The following STX2 variants were observed in gnomAD, a reference collection of about 807,000 sequenced individuals.
STX2 encodes the protein syntaxin-2.
A neutral mutation model predicts 40.6 loss-of-function variants in STX2; 27 were observed. The ratio of observed to expected loss-of-function variants is 0.66; its 90% CI spans 0.49 to 0.92. The LOEUF is 0.92. STX2 is among the 40% of genes least tolerant of loss of function. STX2 has a pLI of 0.00. For missense variants in STX2, 328 were observed against 366.1 expected (o/e 0.90, Z 0.85); for synonymous variants, 123 against 119.1 (o/e 1.03, Z -0.22).
intron 3 of STX2, among the ~76,000 whole-genome samples, chr12:130,813,599 G>A (rs777965981): frequency 4.6e-5 from 7 of 152,290 alleles, no homozygotes; most frequent in South Asian, 2.1e-4. Context: ...GGCAGGGGCC[G>A]GCCTCCTAAC....
In STX2 at chr12:130,791,266, AAT is replaced by A. The variant is rs1164246244; in HGVS notation, c.*755_*756del. 6.6e-6 allele frequency: 1 copy of A among 152,254 alleles called. No homozygotes were observed. The highest frequency in any genetic ancestry group is 1.5e-5 in the Non-Finnish European group (1 of 68,066). The allele number at this position is 152,254 out of a possible 1,614,324, so 9.4% of individuals were successfully genotyped here. On this transcript the variant is annotated 3_prime_UTR_variant, in exon 11 of 11. Coordinates refer to ENST00000392373, the MANE Select transcript of STX2 (RefSeq NM_194356.4). ...AGCCTGCCCGGTGACTCACGCCTGT[AAT>A]CCCAGCACTTTGGGAGGCTGAGGTG...
At chr12:130,814,532 A>G (rs1565920604) in intron 3 of STX2, among the ~76,000 whole-genome samples, 2 of 151,666 alleles carry the variant, frequency 1.3e-5, no homozygotes, top group African/African-American at 2.4e-5. Context: ...AGGAGTGTGC[A>G]GGCCCAGCTG....
At chr12:130,827,304 T>C in intron 1 of STX2, 37 bp from the exon 2 acceptor site, 2 of 1,550,930 alleles carry the variant, frequency 1.3e-6, no homozygotes, top group Non-Finnish European at 8.9e-7. Flanking sequence ...TTTTTAAAAT[T>C]TTTATGTAGG....
chr12:130,811,495 T>TA (rs1461251738), intron 4 of STX2, among the ~76,000 whole-genome samples: 1 of 151,158 alleles, frequency 6.6e-6, no homozygotes, highest in African/African-American at 2.4e-5. Context: ...TTACTGAACT[T>TA]ACTTAGAGCC....
rs112064597 is a variant in STX2, at chr12:130,797,127, C to T, written c.787-1007G>A. Reference sequence around the variant, plus strand: ...TATACGCCAGCTACCGCACAGACCCCAAGCACCTCACAGAGCCAGGCTTGC... The same window carrying T: ...TATACGCCAGCTACCGCACAGACCCTAAGCACCTCACAGAGCCAGGCTTGC... On this transcript the variant is annotated intron_variant, in intron 9 of 10. Coordinates refer to ENST00000392373, the MANE Select transcript of STX2 (RefSeq NM_194356.4). 3.9e-3 allele frequency among the ~76,000 whole-genome samples: 592 copies of T among 152,330 alleles called. 2 individuals carry two copies. Among genetic ancestry groups the T allele is most frequent in the African/African-American group, 0.013 (559 of 41,576 alleles).
At chr12:130,823,406 A>G (rs1393115163) in intron 2 of STX2, among the ~76,000 whole-genome samples, 1 of 152,256 alleles carries the variant, frequency 6.6e-6, no homozygotes, top group Non-Finnish European at 1.5e-5. Flanking sequence ...GTCACCTTGC[A>G]TAGCAAAGGG....
At chr12:130,820,544 T>C (rs57658449) in intron 3 of STX2, among the ~76,000 whole-genome samples, 1,883 of 152,152 alleles carry the variant, frequency 0.012, 43 homozygotes, top group African/African-American at 0.043. Context: ...TGGGCACCTG[T>C]AGTCTCAGCT....
At chr12:130,824,371 C>A (rs776685115) in intron 2 of STX2, among the ~76,000 whole-genome samples, 4 of 151,964 alleles carry the variant, frequency 2.6e-5, no homozygotes, top group Non-Finnish European at 4.4e-5. Context: ...GGTGACAGAG[C>A]GAGGCTCCGT....
intron 6 of STX2, among the ~76,000 whole-genome samples, chr12:130,805,833 G>A (rs1027398794): frequency 3.9e-5 from 6 of 152,116 alleles, no homozygotes; most frequent in South Asian, 2.1e-4. Flanking sequence ...GCACACACTC[G>A]AAACTTACCA....
chr12:130,838,021 CGGG>C (rs1311132419), intron 1 of STX2, among the ~76,000 whole-genome samples: 1 of 152,154 alleles, frequency 6.6e-6, no homozygotes, highest in East Asian at 1.9e-4. Context: ...TTCTCCCACT[CGGG>C]GGTACATAAC....
intron 2 of STX2, 117 bp downstream of exon 2, chr12:130,827,075 GA>G: frequency 1.8e-6 from 1 of 570,252 alleles, no homozygotes; most frequent in Non-Finnish European, 3.1e-6. Flanking sequence ...GGGAGGGAGG[GA>G]GGGGTGGGGA....
intron 2 of STX2, among the ~76,000 whole-genome samples, chr12:130,824,978 C>G (rs1952246236): frequency 6.6e-6 from 1 of 151,994 alleles, no homozygotes; most frequent in Admixed American, 6.6e-5. Flanking sequence ...CAGACTGGCA[C>G]CAGATAGACA....
At chr12:130,806,954 T>C (rs1323460494) in intron 6 of STX2, 28 bp downstream of exon 6, 2 of 1,593,242 alleles carry the variant, frequency 1.3e-6, no homozygotes, top group Non-Finnish European at 1.7e-6. Flanking sequence ...AACATGATTT[T>C]AACAAAGACG....
Position 130,806,972 on chromosome 12 carries a change from C to T in STX2, c.463+10G>A. The stretch of plus-strand genomic sequence containing the variant: ...ATGATTTTAACAAAGACGGAGTCTC[C>T]ATTACTCACTTATCTCCAGCTGGCG... On this transcript the variant is annotated intron_variant, in intron 6 of 10. Coordinates refer to ENST00000392373, the MANE Select transcript of STX2 (RefSeq NM_194356.4). The T allele has an allele frequency of 1.9e-6, 3 of 1,611,628 alleles. No individual in the cohort carries two copies. The highest frequency in any genetic ancestry group is 2.5e-6 in the Non-Finnish European group (3 of 1,177,770).
chr12:130,798,310 T>C (rs1163837529), intron 9 of STX2: 4 of 363,978 alleles, frequency 1.1e-5, no homozygotes, highest in Admixed American at 9.5e-5. Flanking sequence ...AGCCCTAGGG[T>C]TTCAATTACT....
At position 130,825,289 on chromosome 12, in the gene STX2, G is replaced by A. The variant is rs111867263; in HGVS notation, c.105+1904C>T. Among the ~76,000 whole-genome samples the A allele has an allele frequency of 4.4e-3, 673 of 152,226 alleles. 9 individuals are homozygous for A. The highest frequency in any genetic ancestry group is 0.016 in the African/African-American group (648 of 41,560). On this transcript the variant is annotated intron_variant, in intron 2 of 10. Transcript: ENST00000392373. ...TGACCTCAGGTGATCCACCCACCTC[G>A]GACTCCCAAAGTGCTGGGAGCACAG...
intron 6 of STX2, among the ~76,000 whole-genome samples, chr12:130,802,140 C>T (rs1422548255): frequency 6.6e-6 from 1 of 152,322 alleles, no homozygotes; most frequent in African/African-American, 2.4e-5. Flanking sequence ...GAGCTAACTG[C>T]GGTCTAGCTG....
At chr12:130,815,311 G>A (rs973901974) in intron 3 of STX2, among the ~76,000 whole-genome samples, 2 of 152,144 alleles carry the variant, frequency 1.3e-5, no homozygotes, top group African/African-American at 4.8e-5. Context: ...CATAAGCCAG[G>A]AATGGCACCA....
rs540789936 is a variant in STX2 at position 130,789,743 on chromosome 12, T to C, written c.*2280A>G. The C allele has an allele frequency of 2.0e-5, 3 of 152,618 alleles. No individual in the cohort carries two copies. Among genetic ancestry groups the C allele is most frequent in the Non-Finnish European group, 4.4e-5 (3 of 68,036 alleles). 9.5% of individuals were successfully genotyped at this position (152,618 alleles called of 1,614,324 possible). Reference sequence around the variant, plus strand: ...AAACATGAAATATTTGAAGAACCGATTAAAAAGTCTCAAGTGAATCTGTAA... The same window carrying C: ...AAACATGAAATATTTGAAGAACCGACTAAAAAGTCTCAAGTGAATCTGTAA... On this transcript the variant is annotated 3_prime_UTR_variant, in exon 11 of 11. Transcript: ENST00000392373.
Sources: gnomAD v4.1 joint callset for allele counts (sites outside exome capture counted in the v4.1 genomes callset) on GRCh38, gnomAD v4.1.1 for gene constraint, MANE v1.5 for transcripts, NCBI Gene and HGNC (gene_info 2026-07-23, HGNC 2026-07-21) for gene names.